The following RHOH variants were observed in gnomAD, a reference collection of about 807,000 sequenced individuals.
RHOH encodes ras homolog family member H, also known as rho-related GTP-binding protein RhoH.
Under a neutral mutation model 13.8 loss-of-function variants are expected in RHOH, and 6 were observed. The observed-to-expected ratio is 0.44, with a 90% CI of 0.24 to 0.86. The LOEUF is 0.86. RHOH is among the 40% of genes least tolerant of loss of function. The pLI, the probability that RHOH is intolerant of heterozygous loss-of-function variation, is 0.24. For synonymous variants in RHOH, 117 were observed against 103.0 expected (o/e 1.14, Z -0.82); for missense variants, 147 against 244.5 (o/e 0.60, Z 2.66).
At chr4:40,202,458 T>C (rs1337595612) in intron 1 of RHOH, among the ~76,000 whole-genome samples, 1 of 152,228 alleles carries the variant, frequency 6.6e-6, no homozygotes, top group Non-Finnish European at 1.5e-5. Context: ...TTTTGTTTAT[T>C]GTAGTCGTGG....
chr4:40,227,271 G>A (rs1727362416), intron 1 of RHOH, among the ~76,000 whole-genome samples: 2 of 152,204 alleles, frequency 1.3e-5, no homozygotes, highest in African/African-American at 4.8e-5. Context: ...AAGAAATAAA[G>A]GTTGCTACTG....
chr4:40,200,881 T>C (rs1033463410), intron 1 of RHOH, among the ~76,000 whole-genome samples: 2 of 152,208 alleles, frequency 1.3e-5, no homozygotes, highest in African/African-American at 2.4e-5. Context: ...TCTGGTAAAA[T>C]AGAATACTAA....
At chr4:40,233,909 G>C (rs1371503126) in intron 1 of RHOH, among the ~76,000 whole-genome samples, 1 of 147,460 alleles carries the variant, frequency 6.8e-6, no homozygotes, top group Non-Finnish European at 1.5e-5. Context: ...CTGGGCGACA[G>C]AGTAATACTC....
chr4:40,207,687 C>A (rs1724802518), intron 1 of RHOH, among the ~76,000 whole-genome samples: 1 of 152,234 alleles, frequency 6.6e-6, no homozygotes, highest in South Asian at 2.1e-4. Context: ...TAGATGGTGG[C>A]CGGGCACTGT....
intron 1 of RHOH, among the ~76,000 whole-genome samples, 155 bp downstream of exon 1, chr4:40,197,455 G>A (rs2276895): frequency 6.6e-6 from 1 of 152,048 alleles, no homozygotes; most frequent in African/African-American, 2.4e-5. Context: ...GGTCGGGGGG[G>A]TGAGTGTTGC....
intron 1 of RHOH, among the ~76,000 whole-genome samples, chr4:40,214,858 G>GAATGT (rs563063061): frequency 9.8e-4 from 149 of 152,272 alleles, no homozygotes; most frequent in African/African-American, 3.5e-3. Context: ...GTTGACCAGG[G>GAATGT]AATGTCTTGG....
intron 1 of RHOH, among the ~76,000 whole-genome samples, chr4:40,237,963 A>G (rs1334540446): frequency 6.6e-6 from 1 of 152,226 alleles, no homozygotes; most frequent in Non-Finnish European, 1.5e-5. Flanking sequence ...CAAAACCAAG[A>G]AGAGAGCATT....
chr4:40,213,941 G>C (rs1249022207), intron 1 of RHOH, among the ~76,000 whole-genome samples: 1 of 152,010 alleles, frequency 6.6e-6, no homozygotes, highest in African/African-American at 2.4e-5. Context: ...ATTTTTAGTG[G>C]AGACAGGGTT....
chr4:40,197,536 T>C (rs984347818), intron 1 of RHOH, among the ~76,000 whole-genome samples: 2 of 152,202 alleles, frequency 1.3e-5, no homozygotes, highest in Non-Finnish European at 2.9e-5. Flanking sequence ...AATAGTTGGC[T>C]TTTTGGTTTT....
At position 40,220,900 on chromosome 4, in the gene RHOH, C is replaced by A. The variant is rs1032959118; in HGVS notation, c.-330-21814C>A. On this transcript the variant is annotated intron_variant, in intron 1 of 2. Transcript: ENST00000381799. ...TGCTCAGTTTCTTGATCTTTCTGAT[C>A]CTTAATCAGAAGCTGAGCATCTAAG... 2.6e-5 allele frequency among the ~76,000 whole-genome samples: 4 copies of A among 152,136 alleles called. No homozygotes were observed. In the South Asian group the frequency reaches 8.3e-4, roughly 31 times the overall value.
At chr4:40,209,029 A>T (rs1450777614) in intron 1 of RHOH, among the ~76,000 whole-genome samples, 1 of 152,104 alleles carries the variant, frequency 6.6e-6, no homozygotes, top group Admixed American at 6.5e-5. Context: ...TATAAGTAGC[A>T]TATATTGTTT....
chr4:40,212,391 C>T (rs1725370312), intron 1 of RHOH, among the ~76,000 whole-genome samples: 1 of 152,138 alleles, frequency 6.6e-6, no homozygotes, highest in Non-Finnish European at 1.5e-5. Flanking sequence ...AGATTAATGT[C>T]ACTTCAGATA....
intron 1 of RHOH, among the ~76,000 whole-genome samples, chr4:40,229,535 G>A (rs1415932087): frequency 4.6e-5 from 7 of 151,678 alleles, no homozygotes; most frequent in African/African-American, 9.7e-5. Flanking sequence ...TCGGGAGGCT[G>A]AGGCAGGAGA....
chr4:40,227,451 C>T (rs1413716523), intron 1 of RHOH, among the ~76,000 whole-genome samples: 1 of 152,166 alleles, frequency 6.6e-6, no homozygotes, highest in Admixed American at 6.5e-5. Flanking sequence ...GTGTGGGCCC[C>T]CAGCAGCTTA....
At chr4:40,206,066 C>T (rs1184636406) in intron 1 of RHOH, among the ~76,000 whole-genome samples, 1 of 152,180 alleles carries the variant, frequency 6.6e-6, no homozygotes, top group Non-Finnish European at 1.5e-5. Flanking sequence ...TCCATGTACA[C>T]CAAAGGCTGG....
At chr4:40,199,991 T>G (rs1353076698) in intron 1 of RHOH, among the ~76,000 whole-genome samples, 1 of 152,220 alleles carries the variant, frequency 6.6e-6, no homozygotes, top group Admixed American at 6.5e-5. Flanking sequence ...ATAGTGTTCC[T>G]TCTAGAGTCC....
chr4:40,242,009 CAT>C (rs1352890156), intron 1 of RHOH, among the ~76,000 whole-genome samples: 1 of 152,202 alleles, frequency 6.6e-6, no homozygotes, highest in Non-Finnish European at 1.5e-5. Context: ...CTGCATGACA[CAT>C]GTCAGGAAGA....
rs1380789482 is a variant in RHOH at position 40,244,423 on chromosome 4, T to C, written c.*461T>C. 1 of 221,762 alleles carries C rather than the reference T, an allele frequency of 4.5e-6. No homozygotes were observed. Among genetic ancestry groups the C allele is most frequent in the Non-Finnish European group, 9.8e-6 (1 of 101,646 alleles). 13.7% of individuals were successfully genotyped at this position (221,762 alleles called of 1,614,324 possible). ...TGTACGAAGCTCTGCCATATGTTTGTAGTGTTATTATTTTCACCTCAAGTA... is the reference window on the plus strand; with the variant it reads ...TGTACGAAGCTCTGCCATATGTTTGCAGTGTTATTATTTTCACCTCAAGTA... On this transcript the variant is annotated 3_prime_UTR_variant, in exon 3 of 3. Coordinates refer to ENST00000381799, the MANE Select transcript of RHOH (RefSeq NM_004310.5).
chr4:40,225,202 C>G (rs1474706913), intron 1 of RHOH, among the ~76,000 whole-genome samples: 1 of 152,162 alleles, frequency 6.6e-6, no homozygotes, highest in Non-Finnish European at 1.5e-5. Context: ...ACCTCCACCT[C>G]CCAGGTTCAA....
Sources: allele counts gnomAD v4.1 joint callset (sites outside exome capture counted in the v4.1 genomes callset), GRCh38; gene constraint gnomAD v4.1.1; transcripts MANE v1.5; gene names NCBI Gene and HGNC (gene_info 2026-07-23, HGNC 2026-07-21).